The following PPFIBP2 variants were observed in gnomAD, a reference collection of about 807,000 sequenced individuals.
PPFIBP2 encodes the protein PPFIB scaffold protein 2.
A neutral mutation model predicts 118.3 loss-of-function variants in PPFIBP2; 118 were observed. The ratio of observed to expected loss-of-function variants is 1.00; its 90% CI spans 0.86 to 1.16. The LOEUF (loss-of-function observed/expected upper bound fraction) is 1.16. Ranked by LOEUF, PPFIBP2 falls within the 50% of genes most tolerant of loss-of-function variation. The pLI is 0.00. For synonymous variants in PPFIBP2, 414 were observed against 397.4 expected (o/e 1.04, Z -0.50); for missense variants, 1,195 against 1,073.1 (o/e 1.11, Z -1.59).
chr11:7,546,815 C>G (rs114480199), intron 1 of PPFIBP2, among the ~76,000 whole-genome samples: 1 of 152,248 alleles, frequency 6.6e-6, no homozygotes, highest in African/African-American at 2.4e-5. Flanking sequence ...AAGCTTCTAT[C>G]ATCCTTCAAG....
intron 1 of PPFIBP2, 91 bp from the exon 2 acceptor site, chr11:7,549,349 T>C (rs1466035391): frequency 8.9e-7 from 1 of 1,123,998 alleles, no homozygotes; most frequent in African/African-American, 1.6e-5. Flanking sequence ...AAACACGTTG[T>C]GTGATGATGG....
intron 5 of PPFIBP2, among the ~76,000 whole-genome samples, chr11:7,607,616 T>C (rs1033655067): frequency 1.3e-5 from 2 of 152,180 alleles, no homozygotes; most frequent in African/African-American, 2.4e-5. Context: ...TAAAAACATA[T>C]TTGTTGAATA....
intron 2 of PPFIBP2, among the ~76,000 whole-genome samples, chr11:7,558,559 G>T (rs1323092989): frequency 6.6e-6 from 1 of 152,056 alleles, no homozygotes; most frequent in Non-Finnish European, 1.5e-5. Flanking sequence ...TTCGAGACCA[G>T]CCTGGGCAAT....
intron 9 of PPFIBP2, among the ~76,000 whole-genome samples, chr11:7,628,800 C>T (rs1025839446): frequency 2.6e-5 from 4 of 152,174 alleles, no homozygotes; most frequent in Non-Finnish European, 5.9e-5. Flanking sequence ...AAATAGCCAC[C>T]TCTATAAATA....
chr11:7,637,060 T>A (rs760521721), intron 14 of PPFIBP2, among the ~76,000 whole-genome samples: 1 of 152,202 alleles, frequency 6.6e-6, no homozygotes, highest in Non-Finnish European at 1.5e-5. Flanking sequence ...TCCCTCCACA[T>A]CTAGCCCATG....
rs541807968 is a variant in PPFIBP2 at position 7,653,266 on chromosome 11, C to T, written c.*48C>T. 1.9e-6 allele frequency: 3 copies of T among 1,609,776 alleles called. No homozygotes were observed. Among genetic ancestry groups the T allele is most frequent in the Non-Finnish European group, 2.5e-6 (3 of 1,178,678 alleles). ...TGCACCCTGAGAGCTCACAGTAACA[C>T]TGTGTGTGTCACCATATAACTGCAC... On this transcript the variant is annotated 3_prime_UTR_variant, in exon 24 of 24. Transcript: ENST00000299492.
the PPFIBP2 span, among the ~76,000 whole-genome samples, chr11:7,662,516 C>A: frequency 0.096 from 14,517 of 150,660 alleles, 1,025 homozygotes; most frequent in East Asian, 0.39. Context: ...CTGAGAGATC[C>A]GCTGTTAGTC....
At chr11:7,608,373 GTTGACGCCTATAA>G (rs1250269253) in intron 5 of PPFIBP2, among the ~76,000 whole-genome samples, 1 of 152,208 alleles carries the variant, frequency 6.6e-6, no homozygotes, top group African/African-American at 2.4e-5. Context: ...GGGTGTGGTG[GTTGACGCCTATAA>G]TCCCAGCACT....
intron 1 of PPFIBP2, among the ~76,000 whole-genome samples, chr11:7,519,775 C>A (rs1014365110): frequency 3.3e-5 from 5 of 152,122 alleles, no homozygotes; most frequent in Non-Finnish European, 5.9e-5. Context: ...TAGAGGTGTC[C>A]CCCTAAGACC....
the PPFIBP2 span, chr11:7,665,323 C>T: frequency 2.0e-5 from 28 of 1,416,730 alleles, no homozygotes; most frequent in South Asian, 2.1e-4. Context: ...ATTGAACTTA[C>T]TCTGAAACAG....
intron 5 of PPFIBP2, among the ~76,000 whole-genome samples, chr11:7,606,385 C>A (rs1177263431): frequency 2.6e-5 from 4 of 152,172 alleles, no homozygotes; most frequent in Non-Finnish European, 5.9e-5. Context: ...ACGGGCCTTG[C>A]TGGATCTGGA....
At chr11:7,663,809 G>T in the PPFIBP2 span, among the ~76,000 whole-genome samples, 1 of 152,236 alleles carries the variant, frequency 6.6e-6, no homozygotes, top group African/African-American at 2.4e-5. Context: ...GACTCCCTGG[G>T]CGTATGACCC....
At chr11:7,535,678 C>T (rs896491519) in intron 1 of PPFIBP2, among the ~76,000 whole-genome samples, 1 of 152,194 alleles carries the variant, frequency 6.6e-6, no homozygotes, top group Non-Finnish European at 1.5e-5. Flanking sequence ...AGGACATTTT[C>T]GGGCCGGCTC....
intron 7 of PPFIBP2, among the ~76,000 whole-genome samples, chr11:7,624,394 C>G (rs1379477405): frequency 6.6e-6 from 1 of 152,236 alleles, no homozygotes; most frequent in Non-Finnish European, 1.5e-5. Flanking sequence ...GGGGGCTGAT[C>G]AGGGTGCGTG....
chr11:7,620,924 T>C lies in PPFIBP2; in HGVS notation c.619-11T>C. ...ACCATCAGAACTTTGTCTTTCTCCC[T>C]CATCCCCTAGGAGTTACTGCAAGAG... On this transcript the variant is annotated splice_polypyrimidine_tract_variant and intron_variant, in intron 6 of 23. Coordinates refer to ENST00000299492, the MANE Select transcript of PPFIBP2 (RefSeq NM_003621.5). 6.3e-7 allele frequency: 1 copy of C among 1,583,522 alleles called. No individual in the cohort carries two copies. Among genetic ancestry groups the C allele is most frequent in the Non-Finnish European group, 8.7e-7 (1 of 1,152,182 alleles).
chr11:7,548,057 A>G (rs1852524603), intron 1 of PPFIBP2, among the ~76,000 whole-genome samples: 1 of 152,206 alleles, frequency 6.6e-6, no homozygotes, highest in African/African-American at 2.4e-5. Flanking sequence ...GTGCAAAGGA[A>G]TGTGCTTAGT....
chr11:7,542,015 C>T (rs79190070), intron 1 of PPFIBP2, among the ~76,000 whole-genome samples: 2,915 of 152,260 alleles, frequency 0.019, 80 homozygotes, highest in African/African-American at 0.066. Context: ...TGCCGGGTTT[C>T]CTGTGTTCAC....
intron 23 of PPFIBP2, among the ~76,000 whole-genome samples, 179 bp from the exon 24 acceptor site, chr11:7,652,845 G>T (rs1488838656): frequency 1.3e-5 from 2 of 152,154 alleles, no homozygotes; most frequent in Non-Finnish European, 2.9e-5. Context: ...TTTACCTATT[G>T]GCCTTTCTGC....
chr11:7,514,458 G>C (rs1371882203), intron 1 of PPFIBP2, among the ~76,000 whole-genome samples: 2 of 152,200 alleles, frequency 1.3e-5, no homozygotes, highest in Admixed American at 1.3e-4. Context: ...AGTTCTGTGC[G>C]GCGCGTCCCA....
Sources: allele counts gnomAD v4.1 joint callset (sites outside exome capture counted in the v4.1 genomes callset), GRCh38; gene constraint gnomAD v4.1.1; transcripts MANE v1.5; gene names NCBI Gene and HGNC (gene_info 2026-07-23, HGNC 2026-07-21).